MAPK13: variants seen among roughly 807,000 people sequenced by gnomAD.
MAPK13 encodes MAP kinase 13.
MAPK13 carries 39 observed loss-of-function variants against 53.5 expected under a neutral mutation model. The observed-to-expected ratio is 0.73, with a 90% CI of 0.56 to 0.95. The LOEUF is 0.95. MAPK13 is among the 40% of genes least tolerant of loss of function. The pLI, the probability that MAPK13 is intolerant of heterozygous loss-of-function variation, is 0.00. For synonymous variants in MAPK13, 179 were observed against 190.9 expected, an observed-to-expected ratio of 0.94 and a Z score of 0.51; for missense variants, 460 against 471.8, an observed-to-expected ratio of 0.98 and a Z score of 0.23.
Position 36,140,202 on chromosome 6 carries a change from A to C in MAPK13, c.*829A>C, listed in dbSNP as rs912646462. The C allele has an allele frequency of 9.2e-5, 14 of 152,188 alleles. No homozygotes were observed. The highest frequency in any genetic ancestry group is 3.4e-4 in the African/African-American group (14 of 41,404). 9.4% of individuals were successfully genotyped at this position (152,188 alleles called of 1,614,324 possible). A position where few individuals can be genotyped will look rare whatever the true frequency, so the allele number is the denominator to read the frequency against. ...GCTAAATTAAGGGAGTTGCAGAGAG[A>C]GCTGCAGCTGGTGCGATTGCATTCA... is the stretch of plus-strand genomic sequence containing the variant. On this transcript the variant is annotated 3_prime_UTR_variant, in exon 12 of 12. Transcript: ENST00000211287.
rs376793688 is a variant in MAPK13, at chr6:36,131,255, G to C, written c.120-16G>C. 1.3e-4 allele frequency: 204 copies of C among 1,608,386 alleles called. No individual in the cohort carries two copies. Among genetic ancestry groups the C allele is most frequent in the Middle Eastern group, 9.9e-4 (6 of 6,040 alleles). On this transcript the variant is annotated splice_polypyrimidine_tract_variant and intron_variant, in intron 1 of 11. Transcript: ENST00000211287. ...AGGAGGAGAGCCTCGCCTGCTGACC[G>C]GCCTGTGCCCGACAGCTCGGCCATC...
intron 4 of MAPK13, 27 bp downstream of exon 4, chr6:36,135,888 A>G (rs776942084): frequency 2.5e-6 from 4 of 1,599,280 alleles, no homozygotes; most frequent in Non-Finnish European, 3.4e-6. Context: ...AGGCTGGCAG[A>G]GGGGACGCCT....
rs1766303413 is a variant in MAPK13 at position 36,130,821 on chromosome 6, C to A, written c.119+120C>A. The A allele has an allele frequency of 3.7e-6, 2 of 547,790 alleles. No individual in the cohort carries two copies. Among genetic ancestry groups the A allele is most frequent in the Non-Finnish European group, 6.3e-6 (2 of 316,484 alleles). 33.9% of individuals were successfully genotyped at this position (547,790 alleles called of 1,614,324 possible). A position where few individuals can be genotyped will look rare whatever the true frequency, so the allele number is the denominator to read the frequency against. ...CTTGACCGCGGACCTCAAGGCCCAGCGCCCTCCCCGGGGCCACCCAGCGGC... is the reference window on the plus strand; with the variant it reads ...CTTGACCGCGGACCTCAAGGCCCAGAGCCCTCCCCGGGGCCACCCAGCGGC... On this transcript the variant is annotated intron_variant, in intron 1 of 11. Coordinates refer to ENST00000211287, the MANE Select transcript of MAPK13 (RefSeq NM_002754.5). This position sits in a 1 kb window ranked among gnomAD's most constrained non-coding sequence, Gnocchi z 4.5.
At chr6:36,139,144 C>T in intron 11 of MAPK13, 89 bp downstream of exon 11, 1 of 1,442,660 alleles carries the variant, frequency 6.9e-7, no homozygotes, top group Non-Finnish European at 9.4e-7. Flanking sequence ...TCTGCCAGCC[C>T]TACCTGCCAC....
intron 8 of MAPK13, among the ~76,000 whole-genome samples, chr6:36,137,577 G>A (rs565758762): frequency 6.6e-6 from 1 of 151,498 alleles, no homozygotes; most frequent in South Asian, 2.1e-4. Flanking sequence ...TTGAGCCTGG[G>A]AGGTTGAGGC....
At position 36,131,397 on chromosome 6, in the gene MAPK13, G is replaced by C. The variant is rs764257506; in HGVS notation, c.246G>C (p.Glu82Asp). 6.2e-7 allele frequency: 1 copy of C among 1,612,248 alleles called. No homozygotes were observed. The highest frequency in any genetic ancestry group is 1.3e-5 in the African/African-American group (1 of 74,890). ...ELLLLKHMQH[E>D]NVIGLLDVFT... ...TGCTGCTGAAGCACATGCAGCATGA[G>C]AACGTAGGTGGTGGCTGCCCCGGGG... The change falls in exon 2 of 12, where the codon GAG becomes GAC. Residue 82 changes from glutamate to aspartate, a missense_variant. Transcript: ENST00000211287.
chr6:36,144,354 G>A lies in MAPK13; in HGVS notation c.*4981G>A, dbSNP rs1766591293. 8.2e-6 allele frequency: 1 copy of A among 121,392 alleles called. No individual in the cohort carries two copies. Among genetic ancestry groups the A allele is most frequent in the South Asian group, 3.1e-4 (1 of 3,240 alleles). 7.5% of individuals were successfully genotyped at this position (121,392 alleles called of 1,614,324 possible). ...CTATTAAACAATGGTAAACTGAAGAGAGATGAGTGTAAACAATATTTTAAG... is the reference window on the plus strand; with the variant it reads ...CTATTAAACAATGGTAAACTGAAGAAAGATGAGTGTAAACAATATTTTAAG... On this transcript the variant is annotated 3_prime_UTR_variant, in exon 12 of 12. Transcript: ENST00000211287.
Position 36,130,745 on chromosome 6 carries a change from C to T in MAPK13, c.119+44C>T. On this transcript the variant is annotated intron_variant, in intron 1 of 11. Coordinates refer to ENST00000211287, the MANE Select transcript of MAPK13 (RefSeq NM_002754.5). This position sits in a 1 kb window ranked among gnomAD's most constrained non-coding sequence, Gnocchi z 4.5. ...TGGGGGGCGGGGGGCGGGCGCCAGG[C>T]TCTCCCCTTTCCGCCCAGCCCGCCC... 1 of 1,076,028 alleles carries T rather than the reference C, an allele frequency of 9.3e-7. No individual in the cohort carries two copies. Among genetic ancestry groups the T allele is most frequent in the Non-Finnish European group, 1.3e-6 (1 of 750,556 alleles). The allele number at this position is 1,076,028 out of a possible 1,614,324, so 66.7% of individuals were successfully genotyped here. A position where few individuals can be genotyped will look rare whatever the true frequency, so the allele number is the denominator to read the frequency against.
At position 36,130,767 on chromosome 6, in the gene MAPK13, G is replaced by T; in HGVS notation, c.119+66G>T. 2.3e-6 allele frequency: 2 copies of T among 875,204 alleles called. No individual in the cohort carries two copies. The highest frequency in any genetic ancestry group is 1.7e-5 in the South Asian group (1 of 58,750). 54.2% of individuals were successfully genotyped at this position (875,204 alleles called of 1,614,324 possible). A position where few individuals can be genotyped will look rare whatever the true frequency, so the allele number is the denominator to read the frequency against. Reference sequence around the variant, plus strand: ...AGGCTCTCCCCTTTCCGCCCAGCCCGCCCTGGGCTGGCCCCTCGCCAGCGC... The same window carrying T: ...AGGCTCTCCCCTTTCCGCCCAGCCCTCCCTGGGCTGGCCCCTCGCCAGCGC... On this transcript the variant is annotated intron_variant, in intron 1 of 11. Transcript: ENST00000211287. The surrounding 1 kb of genome is among the most constrained non-coding windows in gnomAD (Gnocchi z 4.5).
Position 36,130,823 on chromosome 6 carries a change from CCCTCCCCGGGGCCACCCAGCGG to C in MAPK13, c.119+125_119+146del. The C allele has an allele frequency of 1.8e-6, 1 of 547,292 alleles. No individual in the cohort carries two copies. The allele number at this position is 547,292 out of a possible 1,614,324, so 33.9% of individuals were successfully genotyped here. A position where few individuals can be genotyped will look rare whatever the true frequency, so the allele number is the denominator to read the frequency against. ...TGACCGCGGACCTCAAGGCCCAGCG[CCCTCCCCGGGGCCACCCAGCGG>C]CCATCTCCCTTTTCTCACCGAGTGG... On this transcript the variant is annotated intron_variant, in intron 1 of 11. Coordinates refer to ENST00000211287, the MANE Select transcript of MAPK13 (RefSeq NM_002754.5). The surrounding 1 kb of genome is among the most constrained non-coding windows in gnomAD (Gnocchi z 4.5).
At chr6:36,134,413 C>A (rs1206079955) in intron 3 of MAPK13, among the ~76,000 whole-genome samples, 7 of 152,152 alleles carry the variant, frequency 4.6e-5, no homozygotes, top group Non-Finnish European at 1.0e-4. Context: ...TTATTATATT[C>A]TAGAGATAGG....
intron 2 of MAPK13, 103 bp from the exon 3 acceptor site, chr6:36,132,518 G>A (rs1015568176): frequency 4.1e-6 from 4 of 982,186 alleles, no homozygotes; most frequent in Admixed American, 1.8e-5. Flanking sequence ...TGGAGGTGGT[G>A]TATTAGGAAA....
chr6:36,137,912 CTG>C (rs1373647225), intron 8 of MAPK13, among the ~76,000 whole-genome samples: 1 of 124,416 alleles, frequency 8.0e-6, no homozygotes, highest in Admixed American at 1.0e-4. Flanking sequence ...TGAGCCAAGA[CTG>C]TGCCACTGCA....
rs1206090291 is a variant in MAPK13, at chr6:36,144,277, A to G, written c.*4904A>G. 4 of 152,238 alleles carry G rather than the reference A, an allele frequency of 2.6e-5. No individual in the cohort carries two copies. The highest frequency in any genetic ancestry group is 4.8e-5 in the African/African-American group (2 of 41,452). The allele number at this position is 152,238 out of a possible 1,614,324, so 9.4% of individuals were successfully genotyped here. A position where few individuals can be genotyped will look rare whatever the true frequency, so the allele number is the denominator to read the frequency against. On this transcript the variant is annotated 3_prime_UTR_variant, in exon 12 of 12. Coordinates refer to ENST00000211287, the MANE Select transcript of MAPK13 (RefSeq NM_002754.5). ...TTTTTAAAATGTATAACGTGATACT[A>G]TGTGTATAGGTTTCTTTATTAACAT... is the stretch of plus-strand genomic sequence containing the variant.
chr6:36,136,417 G>A lies in MAPK13; in HGVS notation c.448-67G>A, dbSNP rs1403468887. Reference sequence around the variant, plus strand: ...CCTGGCTGAGGTCACACCCCTGGGTGGTGGTGGAGCTAGGACAAGCTCCAT... The same window carrying A: ...CCTGGCTGAGGTCACACCCCTGGGTAGTGGTGGAGCTAGGACAAGCTCCAT... On this transcript the variant is annotated intron_variant, in intron 5 of 11. Coordinates refer to ENST00000211287, the MANE Select transcript of MAPK13 (RefSeq NM_002754.5). 8.8e-6 allele frequency: 12 copies of A among 1,366,502 alleles called. No individual in the cohort carries two copies. In the East Asian group the frequency reaches 2.8e-4, roughly 32 times the overall value. 84.6% of individuals were successfully genotyped at this position (1,366,502 alleles called of 1,614,324 possible).
chr6:36,135,529 C>T (rs1299496410), intron 3 of MAPK13, among the ~76,000 whole-genome samples: 1 of 152,214 alleles, frequency 6.6e-6, no homozygotes, highest in Non-Finnish European at 1.5e-5. Flanking sequence ...CCAACTGCAG[C>T]GCTTACTCCG....
At chr6:36,131,432 G>A (rs747876948) in intron 2 of MAPK13, 32 bp downstream of exon 2, 1 of 1,596,994 alleles carries the variant, frequency 6.3e-7, no homozygotes, top group Non-Finnish European at 8.5e-7. Context: ...GAGGGGGTGG[G>A]GGCTGCCCTG....
At chr6:36,135,936 G>A in intron 4 of MAPK13, 75 bp downstream of exon 4, 3 of 1,597,212 alleles carry the variant, frequency 1.9e-6, no homozygotes, top group Non-Finnish European at 2.6e-6. Flanking sequence ...GCTGGAGGGA[G>A]CGCACTGTTA....
intron 3 of MAPK13, 68 bp downstream of exon 3, chr6:36,132,747 G>A: frequency 6.5e-7 from 1 of 1,543,354 alleles, no homozygotes; most frequent in Non-Finnish European, 9.0e-7. Flanking sequence ...GCAAGGTGGG[G>A]GAGGGTCTAG....
Sources: allele counts gnomAD v4.1 joint callset (sites outside exome capture counted in the v4.1 genomes callset), GRCh38; gene constraint gnomAD v4.1.1; non-coding constraint Gnocchi (gnomAD v3.1); transcripts MANE v1.5; gene names NCBI Gene and HGNC (gene_info 2026-07-23, HGNC 2026-07-21).